CEP128: variants seen among roughly 807,000 people sequenced by gnomAD.
CEP128 encodes the protein centrosomal protein 128kDa.
A neutral mutation model predicts 156.7 loss-of-function variants in CEP128; 132 were observed. The ratio of observed to expected loss-of-function variants is 0.84; its 90% CI spans 0.73 to 0.97. CEP128 has a LOEUF of 0.97. CEP128 is among the 50% of genes least tolerant of loss of function. CEP128 has a pLI of 0.00. For missense variants in CEP128, 1,252 were observed against 1,281.9 expected (o/e 0.98, Z 0.36); for synonymous variants, 469 against 448.9 (o/e 1.04, Z -0.57).
rs1886179840 is a variant in CEP128, at chr14:80,838,207, A to T, written c.921T>A (p.His307Gln). ...QSEGSRETLL[H>Q]QVEELRTQLT... The stretch of plus-strand genomic sequence containing the variant: ...ATAATAACTTGCATAGACTTACCTG[A>T]TGCAAAAGTGTTTCTCGGCTGCCTT... The change falls in exon 11 of 25, where the codon CAT becomes CAA. Residue 307 changes from histidine (H) to glutamine (Q), a missense_variant. Physicochemically the swap from His to Gln is conservative, Grantham distance 24. Transcript: ENST00000555265. 6.2e-7 allele frequency: 1 copy of T among 1,608,004 alleles called. No homozygotes were observed. The highest frequency in any genetic ancestry group is 1.1e-5 in the South Asian group (1 of 90,958).
intron 9 of CEP128, among the ~76,000 whole-genome samples, chr14:80,844,764 T>A (rs1886515395): frequency 6.6e-6 from 1 of 152,140 alleles, no homozygotes; most frequent in Admixed American, 6.6e-5. Flanking sequence ...TTTTTCATTT[T>A]TCTCTTCTTA....
chr14:80,488,552 C>T (rs562663997), downstream of CEP128, among the ~76,000 whole-genome samples: 76 of 151,864 alleles, frequency 5.0e-4, no homozygotes, highest in African/African-American at 1.6e-3. Context: ...TAAACTAGTT[C>T]AACCATTGTG....
chr14:80,836,153 C>A, intron 12 of CEP128, 52 bp downstream of exon 12: 1 of 1,569,864 alleles, frequency 6.4e-7, no homozygotes, highest in East Asian at 2.3e-5. Context: ...TAAGAAAAAC[C>A]AAAAAGCCCC....
intron 24 of CEP128, among the ~76,000 whole-genome samples, chr14:80,501,937 G>A (rs184404897): frequency 1.3e-3 from 193 of 152,148 alleles, no homozygotes; most frequent in African/African-American, 4.4e-3. Context: ...ACGGCAACAC[G>A]ACACACCTGT....
At chr14:80,491,603 A>G (rs1411438830), downstream of CEP128, among the ~76,000 whole-genome samples, 5 of 152,182 alleles carry the variant, frequency 3.3e-5, no homozygotes, top group Admixed American at 2.0e-4. Context: ...TCACAGTGGA[A>G]TTAATGACAG....
intron 11 of CEP128, among the ~76,000 whole-genome samples, chr14:80,837,508 G>A (rs549520910): frequency 3.3e-5 from 5 of 152,288 alleles, no homozygotes; most frequent in African/African-American, 9.6e-5. Flanking sequence ...ACGAAGTCAG[G>A]AGATCGAGAA....
rs149695067 is a variant in CEP128 at position 80,477,758 on chromosome 14, G to A, written c.*960C>T. 1,098 of 152,278 alleles carry A rather than the reference G, an allele frequency of 7.2e-3. 20 individuals are homozygous for A. Among genetic ancestry groups the A allele is most frequent in the African/African-American group, 0.025 (1,044 of 41,544 alleles). The allele number at this position is 152,278 out of a possible 1,614,324, so 9.4% of individuals were successfully genotyped here. A position where few individuals can be genotyped will look rare whatever the true frequency, so the allele number is the denominator to read the frequency against. ...TGTTTTTCTGTCTGTTAATGATAGC[G>A]TGCTTAAAGTTCTACTAGCATTTTC... On this transcript the variant is annotated 3_prime_UTR_variant and NMD_transcript_variant, in exon 15 of 15. Transcript: ENST00000554502.
rs564966143 is a variant in CEP128, at chr14:80,570,926, TA to T, written c.2856+9447del. 1.3e-4 allele frequency among the ~76,000 whole-genome samples: 20 copies of T among 152,124 alleles called. No homozygotes were observed. The South Asian group carries it at 4.2e-3, about 32-fold the overall frequency. ...ATATCAATAAAATTTAATGCCCAAA[TA>T]AAAAAATTATTTGTATACATTTTTA... is the stretch of plus-strand genomic sequence containing the variant. On this transcript the variant is annotated intron_variant, in intron 20 of 24. Coordinates refer to ENST00000555265, the MANE Select transcript of CEP128 (RefSeq NM_152446.5).
intron 13 of CEP128, among the ~76,000 whole-genome samples, chr14:80,805,904 G>A (rs1340932241): frequency 6.6e-6 from 1 of 152,128 alleles, no homozygotes; most frequent in African/African-American, 2.4e-5. Flanking sequence ...GTTGAAAGTA[G>A]AATACTATAT....
chr14:80,953,082 G>T (rs184600856), intron 2 of CEP128, among the ~76,000 whole-genome samples: 74 of 152,214 alleles, frequency 4.9e-4, no homozygotes, highest in African/African-American at 1.5e-3. Flanking sequence ...AGAAAGGAAT[G>T]ATATCAGTTC....
intron 14 of CEP128, among the ~76,000 whole-genome samples, chr14:80,792,068 C>T (rs971395594): frequency 2.0e-5 from 3 of 152,158 alleles, no homozygotes; most frequent in Non-Finnish European, 4.4e-5. Context: ...GGGTTTAATT[C>T]AACCCAAAGA....
chr14:80,511,498 T>C (rs1296865177), intron 23 of CEP128, among the ~76,000 whole-genome samples: 1 of 152,030 alleles, frequency 6.6e-6, no homozygotes. Flanking sequence ...TTCTCTGTTT[T>C]TCTTATTCTG....
chr14:80,531,536 A>C (rs1889225527), intron 21 of CEP128, among the ~76,000 whole-genome samples: 1 of 152,210 alleles, frequency 6.6e-6, no homozygotes, highest in Non-Finnish European at 1.5e-5. Flanking sequence ...TTTCAAAGCA[A>C]ACATAAAATA....
chr14:80,767,862 C>A (rs1595369656), intron 16 of CEP128, among the ~76,000 whole-genome samples: 1 of 152,090 alleles, frequency 6.6e-6, no homozygotes, highest in African/African-American at 2.4e-5. Context: ...AATCTATAAC[C>A]TCTAAAATTT....
chr14:80,508,842 G>C (rs1176198015), intron 23 of CEP128, among the ~76,000 whole-genome samples: 1 of 152,178 alleles, frequency 6.6e-6, no homozygotes, highest in Non-Finnish European at 1.5e-5. Context: ...CAGGCATACA[G>C]AGTGCAATAA....
At chr14:80,489,930 C>T (rs1402697377), downstream of CEP128, among the ~76,000 whole-genome samples, 1 of 143,260 alleles carries the variant, frequency 7.0e-6, no homozygotes, top group Non-Finnish European at 1.5e-5. Context: ...AAAAAAGAAA[C>T]ACCTTCTCTG....
At chr14:80,622,177 A>T (rs1223990784) in intron 19 of CEP128, among the ~76,000 whole-genome samples, 1 of 152,198 alleles carries the variant, frequency 6.6e-6, no homozygotes, top group Non-Finnish European at 1.5e-5. Flanking sequence ...GGCTAAAAAT[A>T]GGTATATGTA....
chr14:80,854,424 T>C (rs549877213), intron 9 of CEP128, among the ~76,000 whole-genome samples: 1 of 152,122 alleles, frequency 6.6e-6, no homozygotes, highest in South Asian at 2.1e-4. Context: ...AACGAATACA[T>C]GACCAAAAAG....
intron 19 of CEP128, among the ~76,000 whole-genome samples, chr14:80,612,930 TC>T (rs1335846197): frequency 9.2e-5 from 14 of 151,924 alleles, no homozygotes; most frequent in Admixed American, 3.3e-4. Context: ...AACCTCCACC[TC>T]CCGGGTTCAA....
Sources: allele counts gnomAD v4.1 joint callset (sites outside exome capture counted in the v4.1 genomes callset), GRCh38; gene constraint gnomAD v4.1.1; transcripts MANE v1.5; gene names NCBI Gene and HGNC (gene_info 2026-07-23, HGNC 2026-07-21).